Variants in ZSCAN18 observed in about 807,000 individuals in gnomAD.
The protein encoded by ZSCAN18 is zinc finger and SCAN domain containing 18, also known as zinc finger and SCAN domain-containing protein 18.
Under a neutral mutation model 31.1 loss-of-function variants are expected in ZSCAN18, and 16 were observed. The ratio of observed to expected loss-of-function variants is 0.51; its 90% CI spans 0.35 to 0.78. ZSCAN18 has a LOEUF of 0.78. Among genes scored for constraint, ZSCAN18 ranks in the 30% least tolerant of loss-of-function variants. ZSCAN18 has a pLI of 0.01. For synonymous variants in ZSCAN18, 375 were observed against 320.7 expected, an observed-to-expected ratio of 1.17 and a Z score of -1.81; for missense variants, 731 against 697.4, an observed-to-expected ratio of 1.05 and a Z score of -0.54.
intron 1 of ZSCAN18, among the ~76,000 whole-genome samples, chr19:58,116,327 T>C (rs1568647444): frequency 6.6e-6 from 1 of 150,744 alleles, no homozygotes; most frequent in African/African-American, 2.5e-5. Flanking sequence ...GATGGCTCTT[T>C]TTCTTTCATT....
intron 1 of ZSCAN18, among the ~76,000 whole-genome samples, chr19:58,112,494 C>CA (rs2074691688): frequency 6.6e-6 from 1 of 151,592 alleles, no homozygotes; most frequent in Admixed American, 6.6e-5. Flanking sequence ...ACCAAAAATA[C>CA]AAAAAAATTA....
Position 58,088,558 on chromosome 19 carries a change from T to A in ZSCAN18, c.553+130A>T, listed in dbSNP as rs576933361. ...CATTCAGAGAAACTACAGGAGGAAG[T>A]CCCAATGATAGCATGGACCATGGAG... On this transcript the variant is annotated intron_variant, in intron 3 of 6. Transcript: ENST00000601144. 223 of 852,654 alleles carry A rather than the reference T, an allele frequency of 2.6e-4. 3 individuals are homozygous for A. In the South Asian group the frequency reaches 3.7e-3, roughly 14 times the overall value. 52.8% of individuals were successfully genotyped at this position (852,654 alleles called of 1,614,324 possible).
At chr19:58,097,957 G>C (rs2074552601) in intron 1 of ZSCAN18, 2 of 985,192 alleles carry the variant, frequency 2.0e-6, no homozygotes, top group Non-Finnish European at 2.4e-6. Context: ...CACCGATCTG[G>C]ATCTCAGCCA....
At chr19:58,109,843 A>G (rs2074665707) in intron 1 of ZSCAN18, among the ~76,000 whole-genome samples, 1 of 152,150 alleles carries the variant, frequency 6.6e-6, no homozygotes, top group South Asian at 2.1e-4. Context: ...ATTTTTTTTC[A>G]GTTATACACC....
intron 1 of ZSCAN18, among the ~76,000 whole-genome samples, chr19:58,105,831 T>C (rs546656764): frequency 6.6e-6 from 1 of 151,764 alleles, no homozygotes; most frequent in African/African-American, 2.4e-5. Flanking sequence ...AATAAAAAAT[T>C]AGCCGGCCAT....
At chr19:58,097,142 C>T (rs1480203947) in intron 1 of ZSCAN18, among the ~76,000 whole-genome samples, 1 of 152,042 alleles carries the variant, frequency 6.6e-6, no homozygotes, top group Non-Finnish European at 1.5e-5. Context: ...GTGACTGTGC[C>T]ACTCAGCCTC....
chr19:58,108,554 A>C (rs1220687309), intron 1 of ZSCAN18: 1 of 985,900 alleles, frequency 1.0e-6, no homozygotes, highest in African/African-American at 1.7e-5. Flanking sequence ...ATCAGGTTGT[A>C]ATTCTTAGAG....
upstream of ZSCAN18, among the ~76,000 whole-genome samples, chr19:58,099,705 CCCA>C (rs2074576245): frequency 6.6e-6 from 1 of 152,164 alleles, no homozygotes; most frequent in African/African-American, 2.4e-5. Flanking sequence ...ATTTTACACT[CCCA>C]CCACCAATGA....
In ZSCAN18 at chr19:58,089,070, G is replaced by A. The variant is rs540050380; in HGVS notation, c.404-233C>T. Among the ~76,000 whole-genome samples, 107 of 150,152 alleles carry A rather than the reference G, an allele frequency of 7.1e-4. 1 individual carries two copies. In the South Asian group the frequency reaches 0.021, roughly 29 times the overall value. Reference sequence around the variant, plus strand: ...TGTAATCCCAGCACTTTGGGAGGCCGAGGCGGGCGGATCACGAGGTCAGGA... The same window carrying A: ...TGTAATCCCAGCACTTTGGGAGGCCAAGGCGGGCGGATCACGAGGTCAGGA... On this transcript the variant is annotated intron_variant, in intron 2 of 6. Coordinates refer to ENST00000601144, the MANE Select transcript of ZSCAN18 (RefSeq NM_001145543.2).
Position 58,084,922 on chromosome 19 carries a change from G to A in ZSCAN18, c.1296C>T (p.His432=). 1 of 1,596,470 alleles carries A rather than the reference G, an allele frequency of 6.3e-7. No individual in the cohort carries two copies. Among genetic ancestry groups the A allele is most frequent in the Non-Finnish European group, 8.5e-7 (1 of 1,173,682 alleles). ...FAWLSHLMEH[H]SSHGGRKRYA... is the part of the protein sequence containing the mutation. ...AGCGCTTCCGGCCGCCATGGCTGCT[G>A]TGGTGCTCCATCAGGTGCGAGAGCC... is the stretch of plus-strand genomic sequence containing the variant. Residue 432 remains histidine, a synonymous_variant, in exon 7 of 7, where the codon CAC becomes CAT. Coordinates refer to ENST00000601144, the MANE Select transcript of ZSCAN18 (RefSeq NM_001145543.2). This position sits in a 1 kb window ranked among gnomAD's most constrained non-coding sequence, Gnocchi z 4.5.
At chr19:58,104,040 C>T (rs2074614823) in intron 1 of ZSCAN18, among the ~76,000 whole-genome samples, 1 of 152,212 alleles carries the variant, frequency 6.6e-6, no homozygotes, top group African/African-American at 2.4e-5. Context: ...TCCTGACTCT[C>T]TTCATTTCTA....
rs1379254269 is a variant in ZSCAN18 at position 58,090,391 on chromosome 19, A to G, written c.-119-5T>C. ...GTGGTGCCAGAACCCACAGACCTGC[A>G]GAGGACACGGACAAGGCAATGGCCT... On this transcript the variant is annotated splice_region_variant and splice_polypyrimidine_tract_variant and intron_variant, in intron 1 of 6. Transcript: ENST00000601144. The surrounding 1 kb of genome is among the most constrained non-coding windows in gnomAD (Gnocchi z 4.7). The G allele has an allele frequency of 6.5e-7, 1 of 1,545,794 alleles. No individual in the cohort carries two copies. The highest frequency in any genetic ancestry group is 1.2e-5 in the South Asian group (1 of 81,816).
At chr19:58,110,895 A>G (rs8105716) in intron 1 of ZSCAN18, among the ~76,000 whole-genome samples, 114,705 of 152,050 alleles carry the variant, frequency 0.75, 43,761 homozygotes, top group Non-Finnish European at 0.82. Flanking sequence ...TAGGCCAGGC[A>G]CGGTGGCTCA....
rs371713507 is a variant in ZSCAN18 at position 58,090,315 on chromosome 19, G to A, written c.-48C>T. The A allele has an allele frequency of 7.4e-5, 120 of 1,612,898 alleles. No individual in the cohort carries two copies. Among genetic ancestry groups the A allele is most frequent in the Non-Finnish European group, 1.0e-4 (118 of 1,179,688 alleles). On this transcript the variant is annotated 5_prime_UTR_variant, in exon 2 of 7. Coordinates refer to ENST00000601144, the MANE Select transcript of ZSCAN18 (RefSeq NM_001145543.2). This position sits in a 1 kb window ranked among gnomAD's most constrained non-coding sequence, Gnocchi z 4.7. ...ATGTGACTGTCTAGCCAGGGACAAGGTGGCTCCAAAGGAGAGGTGCCAGGG... is the reference window on the plus strand; with the variant it reads ...ATGTGACTGTCTAGCCAGGGACAAGATGGCTCCAAAGGAGAGGTGCCAGGG...
Position 58,086,922 on chromosome 19 carries a change from C to T in ZSCAN18, c.729G>A (p.Arg243=), listed in dbSNP as rs2056735884. The T allele has an allele frequency of 1.2e-6, 2 of 1,613,738 alleles. No homozygotes were observed. Among genetic ancestry groups the T allele is most frequent in the South Asian group, 1.1e-5 (1 of 91,078 alleles). ...DPAEENLKSY[R]KLLLWGYQLS... is the part of the protein sequence containing the mutation. ...GACTCTCACCCCACAGGAGCAGCTT[C>T]CGGTAGCTCTTCAGGTTCTCCTCGG... The change falls in exon 5 of 7, where the codon CGG becomes CGA. Residue 243 remains arginine (R), a synonymous_variant. Transcript: ENST00000601144.
At chr19:58,099,883 T>C (rs545458954), upstream of ZSCAN18, among the ~76,000 whole-genome samples, 1 of 152,320 alleles carries the variant, frequency 6.6e-6, no homozygotes, top group South Asian at 2.1e-4. Flanking sequence ...GGCATTTGTA[T>C]ACCCTCTTCA....
upstream of ZSCAN18, among the ~76,000 whole-genome samples, chr19:58,099,281 C>T (rs1391646505): frequency 6.6e-6 from 1 of 152,132 alleles, no homozygotes. Flanking sequence ...ACCCATAACC[C>T]CAGGAACAGC....
At position 58,088,704 on chromosome 19, in the gene ZSCAN18, C is replaced by G; in HGVS notation, c.537G>C (p.Pro179=). 1 of 1,610,188 alleles carries G rather than the reference C, an allele frequency of 6.2e-7. No homozygotes were observed. Among genetic ancestry groups the G allele is most frequent in the Non-Finnish European group, 8.5e-7 (1 of 1,179,934 alleles). The stretch of plus-strand genomic sequence containing the variant: ...GGCACTCACGTGTCTCAGAAGGTGC[C>G]GGGATCTCCCCAGCTCCAAGGGCCT... ...PSQALGAGEI[P]APSETPWLSP... The change falls in exon 3 of 7, where the codon CCG becomes CCC. Residue 179 remains proline, a synonymous_variant. Transcript: ENST00000601144.
chr19:58,086,154 C>G lies in ZSCAN18; in HGVS notation c.838+20G>C. 1 of 1,613,090 alleles carries G rather than the reference C, an allele frequency of 6.2e-7. No individual in the cohort carries two copies. Among genetic ancestry groups the G allele is most frequent in the South Asian group, 1.1e-5 (1 of 91,042 alleles). On this transcript the variant is annotated intron_variant, in intron 6 of 6. Transcript: ENST00000601144. ...AAGCAAACCCCACCCGGCCCTAACA[C>G]CAATTCAACCCAACCTCACCTGGGA...
Sources: allele counts gnomAD v4.1 joint callset (sites outside exome capture counted in the v4.1 genomes callset), GRCh38; gene constraint gnomAD v4.1.1; non-coding constraint Gnocchi (gnomAD v3.1); transcripts MANE v1.5; gene names NCBI Gene and HGNC (gene_info 2026-07-23, HGNC 2026-07-21).